Variants in TRNT1 observed in about 807,000 individuals in gnomAD.
TRNT1 encodes CCA tRNA nucleotidyltransferase 1, mitochondrial.
TRNT1 carries 44 observed loss-of-function variants against 45.6 expected under a neutral mutation model. That is an observed-to-expected ratio of 0.97 (90% CI 0.76 to 1.24). TRNT1 has a LOEUF of 1.24. TRNT1 is among the 50% of genes most tolerant of loss of function. The pLI, the probability that TRNT1 is intolerant of heterozygous loss-of-function variation, is 0.00. For synonymous variants in TRNT1, 201 were observed against 171.4 expected (o/e 1.17, Z -1.35); for missense variants, 633 against 504.4 (o/e 1.25, Z -2.44).
At chr3:3,152,514 T>G, downstream of TRNT1, 1 of 1,614,068 alleles carries the variant, frequency 6.2e-7, no homozygotes, top group Non-Finnish European at 8.5e-7. Flanking sequence ...TTGCAAGCCT[T>G]ATACACAGTA....
At chr3:3,140,484 C>T in intron 3 of TRNT1, 26 bp from the exon 4 acceptor site, 2 of 1,605,236 alleles carry the variant, frequency 1.2e-6, no homozygotes, top group Non-Finnish European at 1.7e-6. Flanking sequence ...TAAATGACAA[C>T]AAAAACCCCA....
chr3:3,129,920 T>G (rs1704897937), intron 2 of TRNT1: 2 of 1,550,498 alleles, frequency 1.3e-6, no homozygotes, highest in African/African-American at 2.7e-5. Context: ...CCTTCCTAGG[T>G]ATAAATGCTT....
chr3:3,149,417 A>AGTATATGTGTGTTTT (rs1706315814), downstream of TRNT1: 1 of 151,738 alleles, frequency 6.6e-6, no homozygotes, highest in African/African-American at 2.4e-5. Context: ...GTAGTAGTAT[A>AGTATATGTGTGTTTT]GTATATGTGT....
chr3:3,134,727 A>G (rs1705220722), intron 2 of TRNT1, among the ~76,000 whole-genome samples: 1 of 152,128 alleles, frequency 6.6e-6, no homozygotes, highest in Non-Finnish European at 1.5e-5. Context: ...TTTTTTTAAT[A>G]GTTAGAATAT....
At chr3:3,134,295 A>G (rs1261225518) in intron 2 of TRNT1, among the ~76,000 whole-genome samples, 2 of 152,180 alleles carry the variant, frequency 1.3e-5, no homozygotes, top group Non-Finnish European at 1.5e-5. Flanking sequence ...ATGTGAAATT[A>G]TGCTTTTCTT....
At chr3:3,127,791 G>C (rs1704685092) in intron 1 of TRNT1, 1 of 152,136 alleles carries the variant, frequency 6.6e-6, no homozygotes, top group Non-Finnish European at 1.5e-5. Flanking sequence ...GCCCTGCTCT[G>C]GGGAGAGTGT....
intron 4 of TRNT1, 106 bp downstream of exon 4, chr3:3,140,754 T>G (rs1705598678): frequency 7.2e-7 from 1 of 1,391,980 alleles, no homozygotes; most frequent in South Asian, 1.3e-5. Context: ...TTGCATTAAT[T>G]TCTTCTAAGA....
rs747724670 is a variant in TRNT1, at chr3:3,129,068, A to G, written c.28A>G (p.Arg10Gly). MLRCLYHWHRPVLNRRWSRL... is the reference protein window; with the variant it reads MLRCLYHWHGPVLNRRWSRL... ...GCTGAGGTGCCTGTATCATTGGCAC[A>G]GGCCAGTGCTGAACCGTAGGTGGAG... Residue 10 changes from arginine (R) to glycine (G), a missense_variant, in exon 2 of 8, where the codon AGG becomes GGG. Transcript: ENST00000251607. The G allele has an allele frequency of 3.1e-6, 5 of 1,612,026 alleles. No individual in the cohort carries two copies. The highest frequency in any genetic ancestry group is 1.3e-5 in the African/African-American group (1 of 75,002).
chr3:3,150,161 A>AAAAT (rs1706409329), downstream of TRNT1: 4 of 152,290 alleles, frequency 2.6e-5, 1 homozygote, highest in South Asian at 6.2e-4. Flanking sequence ...TAATTTTTGA[A>AAAAT]AAATAGCTTT....
In TRNT1 at chr3:3,128,505, A is replaced by T. The variant is rs552823546; in HGVS notation, c.-27-509A>T. 1.2e-3 allele frequency among the ~76,000 whole-genome samples: 183 copies of T among 146,518 alleles called. 1 individual carries two copies. The highest frequency in any genetic ancestry group is 4.5e-3 in the African/African-American group (181 of 39,964). ...TCCCTGCTACTTGGGATGCTGAGGC[A>T]GGAGAATCTCTTGAACCCAGGAGGC... is the stretch of plus-strand genomic sequence containing the variant. On this transcript the variant is annotated intron_variant, in intron 1 of 7. Transcript: ENST00000251607.
At chr3:3,128,993 G>T in intron 1 of TRNT1, 21 bp from the exon 2 acceptor site, 1 of 1,523,482 alleles carries the variant, frequency 6.6e-7, no homozygotes, top group South Asian at 1.3e-5. Context: ...TCATTGGTAT[G>T]CCTGTGTATT....
chr3:3,149,807 C>CTAT (rs1453619028), downstream of TRNT1: 2 of 152,102 alleles, frequency 1.3e-5, no homozygotes, highest in East Asian at 1.9e-4. Flanking sequence ...TGGCCTCATA[C>CTAT]TATTACTACA....
downstream of TRNT1, chr3:3,149,501 G>GAAAAGGTA (rs1159376672): frequency 6.6e-6 from 1 of 152,024 alleles, no homozygotes; most frequent in Non-Finnish European, 1.5e-5. Context: ...TTTTCAGAGG[G>GAAAAGGTA]ACAAGGTAAC....
At position 3,147,971 on chromosome 3, in the gene TRNT1, CCTA is replaced by C; in HGVS notation, c.1123_1125del (p.Leu375del). ...TGAAGTACCAAGGAGAGCACTGTCT[CCTA>C]AAGGAAATGCAGCAGTGGTCCATTC... On this transcript the variant is annotated inframe_deletion, in exon 8 of 8. Coordinates refer to ENST00000251607, the MANE Select transcript of TRNT1 (RefSeq NM_182916.3). 6.2e-7 allele frequency: 1 copy of C among 1,613,986 alleles called. No individual in the cohort carries two copies. The highest frequency in any genetic ancestry group is 8.5e-7 in the Non-Finnish European group (1 of 1,179,914).
intron 2 of TRNT1, among the ~76,000 whole-genome samples, chr3:3,134,168 T>G (rs190329694): frequency 6.6e-6 from 1 of 152,306 alleles, no homozygotes; most frequent in East Asian, 1.9e-4. Context: ...TTTCATTGAA[T>G]GTAGCTCGCA....
intron 2 of TRNT1, chr3:3,136,775 C>G (rs752137669): frequency 2.7e-6 from 1 of 372,578 alleles, no homozygotes; most frequent in South Asian, 2.1e-5. Flanking sequence ...CCACCTCAGC[C>G]TCCCAAGTAG....
At chr3:3,128,428 C>G (rs529697656) in intron 1 of TRNT1, among the ~76,000 whole-genome samples, 218 of 152,140 alleles carry the variant, frequency 1.4e-3, no homozygotes, top group African/African-American at 5.1e-3. Context: ...AAAACCCCGT[C>G]TCTACCCAGA....
At chr3:3,142,872 T>C (rs1424683719) in intron 4 of TRNT1, among the ~76,000 whole-genome samples, 2 of 152,238 alleles carry the variant, frequency 1.3e-5, no homozygotes, top group African/African-American at 4.8e-5. Context: ...TCATTTTCTT[T>C]TATGTCTTTT....
In TRNT1 at chr3:3,137,333, G is replaced by A. The variant is rs1243707005; in HGVS notation, c.222G>A (p.Lys74=). 6.8e-6 allele frequency: 11 copies of A among 1,613,924 alleles called. No individual in the cohort carries two copies. The highest frequency in any genetic ancestry group is 2.2e-5 in the East Asian group (1 of 44,856). ...TGAGGGATTTATTAAATGGAGTAAA[G>A]CCTCAGGATATAGATTTTGCCACCA... ...GAVRDLLNGV[K]PQDIDFATTA... Residue 74 remains lysine, a synonymous_variant, in exon 3 of 8, where the codon AAG becomes AAA. Transcript: ENST00000251607.
Sources: gnomAD v4.1 joint callset for allele counts (sites outside exome capture counted in the v4.1 genomes callset) on GRCh38, gnomAD v4.1.1 for gene constraint, MANE v1.5 for transcripts, NCBI Gene and HGNC (gene_info 2026-07-23, HGNC 2026-07-21) for gene names.